Variants in PAPPA2 observed in about 807,000 individuals in gnomAD.
PAPPA2 encodes the protein pappalysin 2.
A neutral mutation model predicts 176.4 loss-of-function variants in PAPPA2; 86 were observed. That is an observed-to-expected ratio of 0.49 (90% confidence interval 0.41 to 0.58). PAPPA2 has a LOEUF of 0.58. PAPPA2 is among the 20% of genes least tolerant of loss of function. The pLI is 0.00. For missense variants in PAPPA2, 2,073 were observed against 2,256.9 expected, an observed-to-expected ratio of 0.92 and a Z score of 1.65; for synonymous variants, 809 against 852.2, an observed-to-expected ratio of 0.95 and a Z score of 0.88.
intron 4 of PAPPA2, among the ~76,000 whole-genome samples, chr1:176,682,977 A>C (rs531475926): frequency 1.2e-3 from 186 of 151,990 alleles, no homozygotes; most frequent in Non-Finnish European, 1.8e-3. Context: ...AGAGTTTTTC[A>C]ACCAATATCC....
chr1:176,491,340 A>G (rs1209148074), intron 1 of PAPPA2, among the ~76,000 whole-genome samples: 2 of 152,204 alleles, frequency 1.3e-5, no homozygotes, highest in African/African-American at 4.8e-5. Context: ...AATTAGTTTC[A>G]TTTGGAGAGG....
chr1:176,840,739 G>C (rs530852151), intron 22 of PAPPA2, among the ~76,000 whole-genome samples: 2 of 152,162 alleles, frequency 1.3e-5, no homozygotes, highest in Admixed American at 6.5e-5. Flanking sequence ...TGTCTCGTGA[G>C]CAATTATCCT....
At chr1:176,764,037 C>G (rs1291743648) in intron 14 of PAPPA2, among the ~76,000 whole-genome samples, 1 of 152,168 alleles carries the variant, frequency 6.6e-6, no homozygotes, top group Non-Finnish European at 1.5e-5. Context: ...AGGTGCAAAA[C>G]TTGAGAGGCA....
intron 1 of PAPPA2, among the ~76,000 whole-genome samples, chr1:176,553,246 T>C (rs544558121): frequency 2.4e-4 from 22 of 93,438 alleles, no homozygotes; most frequent in African/African-American, 8.5e-4. Flanking sequence ...GAGCGGTGGG[T>C]AAGGCAGGGA....
rs1667586455 is a variant in PAPPA2 at position 176,844,284 on chromosome 1, T to A, written c.*1830T>A. The A allele has an allele frequency of 6.6e-6, 1 of 152,164 alleles. No individual in the cohort carries two copies. Among genetic ancestry groups the A allele is most frequent in the Admixed American group, 6.5e-5 (1 of 15,278 alleles). The allele number at this position is 152,164 out of a possible 1,614,324, so 9.4% of individuals were successfully genotyped here. The stretch of plus-strand genomic sequence containing the variant: ...GCTCTTTTGCTTTGACCACAGTTTT[T>A]CTACTCTTCCCATCAACACTAGAGC... On this transcript the variant is annotated 3_prime_UTR_variant, in exon 23 of 23. Transcript: ENST00000367662.
chr1:176,783,426 C>T (rs913638688), intron 17 of PAPPA2, among the ~76,000 whole-genome samples: 5 of 152,140 alleles, frequency 3.3e-5, no homozygotes, highest in African/African-American at 1.2e-4. Flanking sequence ...CTATGTGTGC[C>T]TCAAGCAACA....
intron 10 of PAPPA2, among the ~76,000 whole-genome samples, chr1:176,707,847 C>A (rs553555249): frequency 1.2e-4 from 19 of 152,152 alleles, no homozygotes; most frequent in African/African-American, 4.6e-4. Flanking sequence ...ATTTGAAATA[C>A]CTCTCCATTA....
intron 3 of PAPPA2, among the ~76,000 whole-genome samples, chr1:176,595,930 C>A (rs538310188): frequency 1.3e-5 from 2 of 152,290 alleles, no homozygotes; most frequent in African/African-American, 4.8e-5. Context: ...GCCAGGAAAT[C>A]TTCATGGAGA....
intron 3 of PAPPA2, among the ~76,000 whole-genome samples, chr1:176,599,857 T>C (rs1654211496): frequency 6.6e-6 from 1 of 152,112 alleles, no homozygotes; most frequent in Non-Finnish European, 1.5e-5. Context: ...AGAATAATTA[T>C]CTATGAATTT....
At chr1:176,634,156 C>T (rs1156907981) in intron 3 of PAPPA2, among the ~76,000 whole-genome samples, 2 of 152,102 alleles carry the variant, frequency 1.3e-5, no homozygotes, top group South Asian at 2.1e-4. Context: ...ATGTTTATTG[C>T]AACACTACTC....
chr1:176,495,492 A>T lies in PAPPA2; in HGVS notation c.-917+32074A>T, dbSNP rs865913099. Among the ~76,000 whole-genome samples, 3 of 151,354 alleles carry T rather than the reference A, an allele frequency of 2.0e-5. No individual in the cohort carries two copies. The South Asian group carries it at 6.3e-4, about 32-fold the overall frequency. Reference sequence around the variant, plus strand: ...GAGGTGGAGGTTGCAGTGAGCGAAGATCATGCCACTGCACTCCAGCCTGGC... The same window carrying T: ...GAGGTGGAGGTTGCAGTGAGCGAAGTTCATGCCACTGCACTCCAGCCTGGC... On this transcript the variant is annotated intron_variant, in intron 1 of 22. Transcript: ENST00000367662.
intron 4 of PAPPA2, among the ~76,000 whole-genome samples, chr1:176,679,281 T>C (rs1025474103): frequency 1.3e-5 from 2 of 152,240 alleles, no homozygotes; most frequent in East Asian, 1.9e-4. Context: ...TCAACCTACA[T>C]CCTGATAACT....
At chr1:176,765,060 G>A (rs1663902446) in intron 14 of PAPPA2, among the ~76,000 whole-genome samples, 1 of 152,158 alleles carries the variant, frequency 6.6e-6, no homozygotes, top group Non-Finnish European at 1.5e-5. Context: ...TCCAGTAATC[G>A]GTTCAATTTC....
At chr1:176,552,495 C>G (rs1032591028) in intron 1 of PAPPA2, among the ~76,000 whole-genome samples, 1 of 151,394 alleles carries the variant, frequency 6.6e-6, no homozygotes, top group East Asian at 1.9e-4. Flanking sequence ...TTCCTCTTTT[C>G]CCTTTCCCTC....
rs55858181 is a variant in PAPPA2, at chr1:176,809,951, A to AGTGTGTGT, written c.5202+9862_5202+9869dup. Among the ~76,000 whole-genome samples the AGTGTGTGT allele has an allele frequency of 5.0e-3, 675 of 133,784 alleles. 7 individuals carry two copies. Among genetic ancestry groups the AGTGTGTGT allele is most frequent in the African/African-American group, 0.016 (558 of 34,856 alleles). 87.8% of individuals were successfully genotyped at this position (133,784 alleles called of 152,430 possible). A position where few individuals can be genotyped will look rare whatever the true frequency, so the allele number is the denominator to read the frequency against. On this transcript the variant is annotated intron_variant, in intron 21 of 22. Transcript: ENST00000367662. ...TCTCCTTATTTTTAGGACAAGATGC[A>AGTGTGTGT]GTGTGTGTGTGTGTGTGTGTGTGTG...
At chr1:176,468,762 T>G (rs7519389) in intron 1 of PAPPA2, among the ~76,000 whole-genome samples, 1 of 152,206 alleles carries the variant, frequency 6.6e-6, no homozygotes, top group Admixed American at 6.5e-5. Flanking sequence ...TGCTTCCTGG[T>G]GTGCCCTTTC....
At chr1:176,573,297 G>A (rs1197679250) in intron 2 of PAPPA2, among the ~76,000 whole-genome samples, 1 of 152,132 alleles carries the variant, frequency 6.6e-6, no homozygotes, top group African/African-American at 2.4e-5. Context: ...TTTTGTTTAG[G>A]TGGAAGATCA....
At chr1:176,615,018 T>C (rs1655126780) in intron 3 of PAPPA2, among the ~76,000 whole-genome samples, 1 of 152,118 alleles carries the variant, frequency 6.6e-6, no homozygotes, top group Non-Finnish European at 1.5e-5. Context: ...AAACAACTTC[T>C]GATAAGTATG....
chr1:176,816,022 G>T (rs973054653), intron 21 of PAPPA2, among the ~76,000 whole-genome samples: 3 of 151,132 alleles, frequency 2.0e-5, no homozygotes, highest in Admixed American at 2.0e-4. Context: ...AAGGTATGTG[G>T]CTTCTTATCT....
Sources: gnomAD v4.1 joint callset for allele counts (sites outside exome capture counted in the v4.1 genomes callset) on GRCh38, gnomAD v4.1.1 for gene constraint, MANE v1.5 for transcripts, NCBI Gene and HGNC (gene_info 2026-07-23, HGNC 2026-07-21) for gene names.